The following HARBI1 variants were observed in gnomAD, a reference collection of about 807,000 sequenced individuals.
HARBI1 encodes putative nuclease HARBI1.
Under a neutral mutation model 25.3 loss-of-function variants are expected in HARBI1, and 15 were observed. The ratio of observed to expected loss-of-function variants is 0.59; its 90% CI spans 0.40 to 0.91. The LOEUF (loss-of-function observed/expected upper bound fraction) is 0.91, where lower values mean the gene tolerates loss of function less well. Ranked by LOEUF, HARBI1 falls within the 40% of genes least tolerant of loss-of-function variation. HARBI1 has a pLI of 0.00. For missense variants in HARBI1, 396 were observed against 445.8 expected (o/e 0.89, Z 1.01); for synonymous variants, 168 against 160.5 (o/e 1.05, Z -0.35).
At chr11:46,607,906 T>C (rs888921629) in intron 2 of HARBI1, among the ~76,000 whole-genome samples, 3 of 41,910 alleles carry the variant, frequency 7.2e-5, no homozygotes, top group South Asian at 5.4e-4. Context: ...GTAGGAAAAA[T>C]AATGCAAAAA....
chr11:46,603,985 T>C, intron 2 of HARBI1, 76 bp from the exon 3 acceptor site: 2 of 1,496,328 alleles, frequency 1.3e-6, no homozygotes, highest in South Asian at 1.4e-5. Flanking sequence ...AGAAAACATA[T>C]ACTGACAATG....
At chr11:46,615,220 T>C (rs2045331929) in intron 2 of HARBI1, among the ~76,000 whole-genome samples, 1 of 150,640 alleles carries the variant, frequency 6.6e-6, no homozygotes. Flanking sequence ...CCCTTTTCTT[T>C]CTTTCTTTTT....
intron 2 of HARBI1, among the ~76,000 whole-genome samples, chr11:46,611,132 G>A (rs1055536230): frequency 2.7e-5 from 4 of 149,710 alleles, no homozygotes; most frequent in African/African-American, 9.8e-5. Context: ...CTCAGCCTCC[G>A]GAGTAGCTGG....
chr11:46,615,534 C>T (rs762440855), intron 2 of HARBI1, 34 bp downstream of exon 2: 2 of 1,594,136 alleles, frequency 1.3e-6, no homozygotes, highest in Admixed American at 3.4e-5. Context: ...TCTATGCCTC[C>T]AAACAAAATG....
At chr11:46,614,652 G>A (rs1359668604) in intron 2 of HARBI1, among the ~76,000 whole-genome samples, 1 of 152,164 alleles carries the variant, frequency 6.6e-6, no homozygotes, top group Admixed American at 6.5e-5. Flanking sequence ...TCTTGCTCAG[G>A]CTGGTCTCAA....
At chr11:46,613,624 A>T (rs957987616) in intron 2 of HARBI1, among the ~76,000 whole-genome samples, 1 of 151,444 alleles carries the variant, frequency 6.6e-6, no homozygotes, top group Non-Finnish European at 1.5e-5. Context: ...CTGGGATTAT[A>T]GGCGCGCACC....
chr11:46,605,831 C>T (rs1009688547), intron 2 of HARBI1, among the ~76,000 whole-genome samples: 1 of 151,724 alleles, frequency 6.6e-6, no homozygotes, highest in East Asian at 1.9e-4. Context: ...TCATGATCCA[C>T]CCACCTCGGC....
chr11:46,608,046 C>T (rs1157902940), intron 2 of HARBI1, among the ~76,000 whole-genome samples: 10 of 152,006 alleles, frequency 6.6e-5, no homozygotes, highest in Non-Finnish European at 4.4e-5. Flanking sequence ...TGCCTGTAAT[C>T]CCAGCACTTT....
chr11:46,603,712 G>C lies in HARBI1; in HGVS notation c.868C>G (p.His290Asp), dbSNP rs1230020948. ...AGGACACAACAGGCCAAGATGATAT[G>C]GCTGGATTTCTCTGGTGAGTACTGC... ...ALQYSPEKSS[H>D]IILACCVLHN... The change falls in exon 3 of 3, where the codon CAT (histidine) becomes GAT (aspartate). Residue 290 changes from histidine (H) to aspartate (D), a missense_variant. Coordinates refer to ENST00000326737, the MANE Select transcript of HARBI1 (RefSeq NM_173811.4). 2 of 1,614,026 alleles carry C rather than the reference G, an allele frequency of 1.2e-6. No individual in the cohort carries two copies. The highest frequency in any genetic ancestry group is 2.7e-5 in the African/African-American group (2 of 74,930).
At position 46,615,959 on chromosome 11, in the gene HARBI1, A is replaced by C. The variant is rs536492639; in HGVS notation, c.279T>G (p.Ile93Met). The C allele has an allele frequency of 1.9e-6, 3 of 1,614,194 alleles. No homozygotes were observed. The Admixed American group carries it at 5.0e-5, about 27-fold the overall frequency. Residue 93 changes from isoleucine (I) to methionine (M), a missense_variant, in exon 2 of 3, where the codon ATT becomes ATG. Physicochemically the swap from Ile to Met is conservative, Grantham distance 10. Coordinates refer to ENST00000326737, the MANE Select transcript of HARBI1 (RefSeq NM_173811.4). ...GSFQTRMGDA[I>M]GISQASMSRC... ...GACTCATAGACGCCTGACTGATTCC[A>C]ATGGCATCTCCCATCCGAGTCTGGA... is the stretch of plus-strand genomic sequence containing the variant.
chr11:46,609,834 AT>A (rs1171891246), intron 2 of HARBI1, among the ~76,000 whole-genome samples: 29 of 150,468 alleles, frequency 1.9e-4, no homozygotes, highest in Admixed American at 3.3e-4. Context: ...AAAAAAAAAA[AT>A]AAATAAATAA....
chr11:46,616,295 T>C lies in HARBI1; in HGVS notation c.-58A>G. On this transcript the variant is annotated 5_prime_UTR_variant, in exon 2 of 3. Coordinates refer to ENST00000326737, the MANE Select transcript of HARBI1 (RefSeq NM_173811.4). ...TTTTCTGAACTGTTCCCAATGAAGA[T>C]GTTGGTGCAAGAACGTATTTTTAAG... The C allele has an allele frequency of 6.5e-7, 1 of 1,541,908 alleles. No homozygotes were observed.
Position 46,615,610 on chromosome 11 carries a change from T to C in HARBI1, c.628A>G (p.Ser210Gly). The C allele has an allele frequency of 6.2e-7, 1 of 1,614,152 alleles. No homozygotes were observed. The highest frequency in any genetic ancestry group is 8.5e-7 in the Non-Finnish European group (1 of 1,180,018). The change falls in exon 2 of 3, where the codon AGT becomes GGT. Residue 210 changes from serine to glycine, a missense_variant. Coordinates refer to ENST00000326737, the MANE Select transcript of HARBI1 (RefSeq NM_173811.4). ...TTGTGCATACCCGCTTCAAACTGAC[T>C]ACTGAGGGAAGACTGCTGCAGCACA... is the stretch of plus-strand genomic sequence containing the variant. ...CAVLQQSSLS[S>G]QFEAGMHKDS...
chr11:46,605,587 C>CTTTTT (rs11333482), intron 2 of HARBI1, among the ~76,000 whole-genome samples: 7 of 90,216 alleles, frequency 7.8e-5, no homozygotes, highest in African/African-American at 1.1e-4. Flanking sequence ...CAGGTATAAC[C>CTTTTT]TTTTTTTTTT....
Position 46,603,661 on chromosome 11 carries a change from T to A in HARBI1, c.919A>T (p.Met307Leu). The A allele has an allele frequency of 6.2e-7, 1 of 1,614,158 alleles. No homozygotes were observed. The highest frequency in any genetic ancestry group is 8.5e-7 in the Non-Finnish European group (1 of 1,180,016). ...VLHNISLEHGMDVWSSPMTGP... is the reference protein window; with the variant it reads ...VLHNISLEHGLDVWSSPMTGP... ...GTCATTGGAGAGGACCAAACATCCATCCCATGCTCCAGGGAGATGTTGTGG... is the reference window on the plus strand; with the variant it reads ...GTCATTGGAGAGGACCAAACATCCAACCCATGCTCCAGGGAGATGTTGTGG... The change falls in exon 3 of 3, where the codon ATG becomes TTG. Residue 307 changes from methionine to leucine, a missense_variant. Transcript: ENST00000326737.
At chr11:46,612,970 ATTTTTTTTTTTT>A (rs11301819) in intron 2 of HARBI1, among the ~76,000 whole-genome samples, 2 of 34,744 alleles carry the variant, frequency 5.8e-5, no homozygotes, top group Non-Finnish European at 9.5e-5. Context: ...CCACACCCGG[ATTTTTTTTTTTT>A]TTTTTTTTTT....
intron 2 of HARBI1, among the ~76,000 whole-genome samples, chr11:46,609,293 C>A (rs1303223787): frequency 6.6e-6 from 1 of 151,968 alleles, no homozygotes; most frequent in Non-Finnish European, 1.5e-5. Context: ...AACCTCTGAC[C>A]TCGTTATCCA....
In HARBI1 at chr11:46,616,041, G is replaced by C; in HGVS notation, c.197C>G (p.Ala66Gly). The C allele has an allele frequency of 6.2e-7, 1 of 1,614,188 alleles. No individual in the cohort carries two copies. Among genetic ancestry groups the C allele is most frequent in the Non-Finnish European group, 8.5e-7 (1 of 1,180,032 alleles). Residue 66 changes from alanine to glycine, a missense_variant, in exon 2 of 3, where the codon GCT (alanine) becomes GGT (glycine). By Grantham distance (60) the Ala-to-Gly change is moderately conservative. Coordinates refer to ENST00000326737, the MANE Select transcript of HARBI1 (RefSeq NM_173811.4). ...AAGGACCTGTGTCTCTGGGCTAATA[G>C]CCCTGGATCGCTGAGTAGGCCTAGA... ...NLSRPTQRSR[A>G]ISPETQVLAA...
intron 2 of HARBI1, among the ~76,000 whole-genome samples, chr11:46,612,324 C>A (rs555870018): frequency 4.6e-5 from 7 of 152,170 alleles, no homozygotes; most frequent in African/African-American, 1.7e-4. Context: ...TAATCCTTAA[C>A]GTAGCTTTCA....
Sources: allele counts gnomAD v4.1 joint callset (sites outside exome capture counted in the v4.1 genomes callset), GRCh38; gene constraint gnomAD v4.1.1; transcripts MANE v1.5; gene names NCBI Gene and HGNC (gene_info 2026-07-23, HGNC 2026-07-21).